The following CEP250 variants were observed in gnomAD, a reference collection of about 807,000 sequenced individuals.
CEP250 encodes centrosome-associated protein CEP250.
CEP250 carries 242 observed loss-of-function variants against 315.7 expected under a neutral mutation model. That is an observed-to-expected ratio of 0.77 (90% CI 0.69 to 0.85). The LOEUF (loss-of-function observed/expected upper bound fraction) is 0.85, where lower values mean the gene tolerates loss of function less well. CEP250 is among the 40% of genes least tolerant of loss of function. CEP250 has a pLI of 0.00. For missense variants in CEP250, 2,515 were observed against 2,886.4 expected, an observed-to-expected ratio of 0.87 and a Z score of 2.95; for synonymous variants, 1,088 against 1,175.0, an observed-to-expected ratio of 0.93 and a Z score of 1.51.
chr20:35,513,534 G>C lies in CEP250; in HGVS notation c.*1908G>C, dbSNP rs1003624069. On this transcript the variant is annotated 3_prime_UTR_variant, in exon 35 of 35. Transcript: ENST00000397527. ...CGGCCTCCCAAAATGTTGGGATTAC[G>C]GGCATGAGCCACCGCGCCCGGCCCT... The C allele has an allele frequency of 6.6e-6, 1 of 152,134 alleles. No individual in the cohort carries two copies. Among genetic ancestry groups the C allele is most frequent in the South Asian group, 2.1e-4 (1 of 4,818 alleles). The allele number at this position is 152,134 out of a possible 1,614,324, so 9.4% of individuals were successfully genotyped here.
Position 35,517,008 on chromosome 20 carries a change from T to G in CEP250, c.*5382T>G, listed in dbSNP as rs2064442280. ...GCAGAGCACATGGCAAGTGGCATGC[T>G]GACTCAGACACCGGGCACTGAGAAA... On this transcript the variant is annotated 3_prime_UTR_variant, in exon 35 of 35. Coordinates refer to ENST00000397527, the MANE Select transcript of CEP250 (RefSeq NM_007186.6). 1.0e-6 allele frequency: 1 copy of G among 985,582 alleles called. No individual in the cohort carries two copies. Among genetic ancestry groups the G allele is most frequent in the African/African-American group, 1.7e-5 (1 of 57,364 alleles). 61.1% of individuals were successfully genotyped at this position (985,582 alleles called of 1,614,324 possible).
rs1568774387 is a variant in CEP250, at chr20:35,473,974, T to A, written c.1493T>A (p.Leu498Gln). Residue 498 changes from leucine (L) to glutamine (Q), a missense_variant, in exon 14 of 35, where the codon CTG becomes CAG. Transcript: ENST00000397527. ...RLRRVNVELQ[L>Q]QGDSAQGQKE... is the part of the protein sequence containing the mutation. ...CGAAGGGTAAATGTGGAGCTTCAGC[T>A]GCAGGGGGACTCTGCCCAGGGCCAG... 6.2e-7 allele frequency: 1 copy of A among 1,609,606 alleles called. No individual in the cohort carries two copies. The highest frequency in any genetic ancestry group is 1.1e-5 in the South Asian group (1 of 90,384).
In CEP250 at chr20:35,517,098, C is replaced by A. The variant is rs1341493554; in HGVS notation, c.*5472C>A. The A allele has an allele frequency of 4.4e-5, 38 of 867,680 alleles. No individual in the cohort carries two copies. Among genetic ancestry groups the A allele is most frequent in the Non-Finnish European group, 4.8e-5 (35 of 722,486 alleles). 53.7% of individuals were successfully genotyped at this position (867,680 alleles called of 1,614,324 possible). A position where few individuals can be genotyped will look rare whatever the true frequency, so the allele number is the denominator to read the frequency against. Reference sequence around the variant, plus strand: ...CTGTTGGCCTCCATCCCTTCCTCAACCGTCCGCAGAACACCTCCTTCCAGC... The same window carrying A: ...CTGTTGGCCTCCATCCCTTCCTCAAACGTCCGCAGAACACCTCCTTCCAGC... On this transcript the variant is annotated 3_prime_UTR_variant, in exon 35 of 35. Transcript: ENST00000397527.
intron 20 of CEP250, among the ~76,000 whole-genome samples, chr20:35,488,385 T>A (rs2063580838): frequency 6.6e-6 from 1 of 152,264 alleles, no homozygotes; most frequent in South Asian, 2.1e-4. Flanking sequence ...ATGACTGTCC[T>A]GTAACTGACA....
At chr20:35,495,883 G>A (rs912218576) in intron 24 of CEP250, among the ~76,000 whole-genome samples, 1 of 152,150 alleles carries the variant, frequency 6.6e-6, no homozygotes, top group Non-Finnish European at 1.5e-5. Flanking sequence ...GCTAAACCAA[G>A]GTAGGGTAGT....
chr20:35,479,706 A>AC lies in CEP250; in HGVS notation c.2349_2350insC (p.Glu784ArgfsTer35), dbSNP rs1288272675. 3 of 1,614,102 alleles carry AC rather than the reference A, an allele frequency of 1.9e-6. No individual in the cohort carries two copies. The highest frequency in any genetic ancestry group is 2.5e-6 in the Non-Finnish European group (3 of 1,180,044). ...AAGCCCAACAACAAAATTCTGTGAT[A>AC]GAGGTCACCAAGGGGCAGCTGGAGG... On this transcript the variant is annotated frameshift_variant, in exon 19 of 35. Coordinates refer to ENST00000397527, the MANE Select transcript of CEP250 (RefSeq NM_007186.6). LOFTEE classifies it high-confidence loss of function.
rs2064448459 is a variant in CEP250 at position 35,517,764 on chromosome 20, AAAAATT to A, written c.*6142_*6147del. The stretch of plus-strand genomic sequence containing the variant: ...TGAGACCCTGTCTCAAAAAAAAAAA[AAAAATT>A]AAAGAAGTTAAACAGTGCCGGGCTT... On this transcript the variant is annotated 3_prime_UTR_variant, in exon 35 of 35. Transcript: ENST00000397527. The A allele has an allele frequency of 6.6e-6, 1 of 151,864 alleles. No individual in the cohort carries two copies. The highest frequency in any genetic ancestry group is 6.6e-5 in the Admixed American group (1 of 15,252). The allele number at this position is 151,864 out of a possible 1,614,324, so 9.4% of individuals were successfully genotyped here.
chr20:35,478,988 T>G (rs2063257751), intron 17 of CEP250, among the ~76,000 whole-genome samples: 1 of 152,234 alleles, frequency 6.6e-6, no homozygotes, highest in South Asian at 2.1e-4. Flanking sequence ...CAAAACCTCC[T>G]TAGGGGCAGG....
intron 20 of CEP250, among the ~76,000 whole-genome samples, chr20:35,484,955 G>A (rs906369600): frequency 2.6e-5 from 4 of 151,414 alleles, no homozygotes; most frequent in South Asian, 2.1e-4. Context: ...CATTAAAAAT[G>A]TAAAGGCTGG....
chr20:35,498,147 T>G, intron 26 of CEP250, 80 bp downstream of exon 26: 2 of 1,046,154 alleles, frequency 1.9e-6, no homozygotes, highest in Non-Finnish European at 2.7e-6. Flanking sequence ...GGAATGCTAT[T>G]TGTTAGACCA....
chr20:35,511,783 C>T lies in CEP250; in HGVS notation c.*157C>T, dbSNP rs1402271672. Reference sequence around the variant, plus strand: ...CAGGAAGAGGAAGTAAATCTGCAACCCTGGGGAGGACCCCAACTCACCTGG... The same window carrying T: ...CAGGAAGAGGAAGTAAATCTGCAACTCTGGGGAGGACCCCAACTCACCTGG... On this transcript the variant is annotated 3_prime_UTR_variant, in exon 35 of 35. Transcript: ENST00000397527. 7.0e-7 allele frequency: 1 copy of T among 1,419,918 alleles called. No individual in the cohort carries two copies. Among genetic ancestry groups the T allele is most frequent in the Non-Finnish European group, 9.2e-7 (1 of 1,090,850 alleles). 88.0% of individuals were successfully genotyped at this position (1,419,918 alleles called of 1,614,324 possible). A position where few individuals can be genotyped will look rare whatever the true frequency, so the allele number is the denominator to read the frequency against.
intron 20 of CEP250, among the ~76,000 whole-genome samples, chr20:35,483,031 T>A (rs1323514890): frequency 2.6e-5 from 4 of 151,916 alleles, no homozygotes; most frequent in Non-Finnish European, 5.9e-5. Context: ...TAAAATAAAT[T>A]TTTTTTTGGC....
In CEP250 at chr20:35,511,368, C is replaced by T; in HGVS notation, c.7071C>T (p.Val2357=). 5 of 1,601,828 alleles carry T rather than the reference C, an allele frequency of 3.1e-6. No homozygotes were observed. Among genetic ancestry groups the T allele is most frequent in the Non-Finnish European group, 4.3e-6 (5 of 1,172,064 alleles). The change falls in exon 35 of 35, where the codon GTC becomes GTT. Residue 2357 remains valine (V), a synonymous_variant. Coordinates refer to ENST00000397527, the MANE Select transcript of CEP250 (RefSeq NM_007186.6). ...KCVAELQKEV[V]LLQAQLTLER... is the part of the protein sequence containing the mutation. Reference sequence around the variant, plus strand: ...TTTTTTTTCCTGCCCACCAGGTGGTCCTGCTGCAAGCTCAGCTGACTTTGG... The same window carrying T: ...TTTTTTTTCCTGCCCACCAGGTGGTTCTGCTGCAAGCTCAGCTGACTTTGG...
intron 32 of CEP250, 47 bp downstream of exon 32, chr20:35,508,237 T>C: frequency 5.0e-6 from 8 of 1,604,096 alleles, no homozygotes; most frequent in Non-Finnish European, 6.8e-6. Context: ...ACTTCTCGTG[T>C]GGTCCCTAGA....
chr20:35,489,014 T>C (rs767022837), intron 20 of CEP250, among the ~76,000 whole-genome samples: 1 of 151,846 alleles, frequency 6.6e-6, no homozygotes, highest in Non-Finnish European at 1.5e-5. Context: ...GGTGAAACCA[T>C]GTCTCTACTA....
chr20:35,513,006 C>A lies in CEP250; in HGVS notation c.*1380C>A, dbSNP rs560484595. ...TAAGAGCAGCACCCACTCACCCAGACCTCCTAATTTGGGGCTCAGCCCCAT... is the reference window on the plus strand; with the variant it reads ...TAAGAGCAGCACCCACTCACCCAGAACTCCTAATTTGGGGCTCAGCCCCAT... On this transcript the variant is annotated 3_prime_UTR_variant, in exon 35 of 35. Coordinates refer to ENST00000397527, the MANE Select transcript of CEP250 (RefSeq NM_007186.6). The A allele has an allele frequency of 6.6e-6, 1 of 152,286 alleles. No homozygotes were observed. The highest frequency in any genetic ancestry group is 2.4e-5 in the African/African-American group (1 of 41,472). 9.4% of individuals were successfully genotyped at this position (152,286 alleles called of 1,614,324 possible).
chr20:35,497,996 CTGTT>C lies in CEP250; in HGVS notation c.3588_3591del (p.Cys1197ArgfsTer6), dbSNP rs1178939542. On this transcript the variant is annotated frameshift_variant, in exon 26 of 35. Coordinates refer to ENST00000397527, the MANE Select transcript of CEP250 (RefSeq NM_007186.6). LOFTEE classifies it high-confidence loss of function. ...TCTGCCCTGCAGCAGGCCCTGGGGT[CTGTT>C]TGTGAGAGCAGGCCTGAGCTGAGTG... is the stretch of plus-strand genomic sequence containing the variant. 1.2e-6 allele frequency: 2 copies of C among 1,613,058 alleles called. No individual in the cohort carries two copies. The highest frequency in any genetic ancestry group is 1.7e-6 in the Non-Finnish European group (2 of 1,179,592).
At chr20:35,474,410 A>T (rs1483437866) in intron 14 of CEP250, among the ~76,000 whole-genome samples, 2 of 152,248 alleles carry the variant, frequency 1.3e-5, no homozygotes, top group Non-Finnish European at 2.9e-5. Context: ...CACAGGAGTG[A>T]CAGCTAATTA....
In CEP250 at chr20:35,512,044, A is replaced by G; in HGVS notation, c.*418A>G. ...CATCAAGGGAGTTTATCTGGGAAGA[A>G]CTTGCCAAAGATTCCTGTTGAGGTA... On this transcript the variant is annotated 3_prime_UTR_variant, in exon 35 of 35. Coordinates refer to ENST00000397527, the MANE Select transcript of CEP250 (RefSeq NM_007186.6). The G allele has an allele frequency of 9.8e-7, 1 of 1,023,114 alleles. No homozygotes were observed. Among genetic ancestry groups the G allele is most frequent in the Non-Finnish European group, 1.2e-6 (1 of 854,130 alleles). The allele number at this position is 1,023,114 out of a possible 1,614,324, so 63.4% of individuals were successfully genotyped here. A position where few individuals can be genotyped will look rare whatever the true frequency, so the allele number is the denominator to read the frequency against.
Sources: gnomAD v4.1 joint callset for allele counts (sites outside exome capture counted in the v4.1 genomes callset) on GRCh38, gnomAD v4.1.1 for gene constraint, MANE v1.5 for transcripts, NCBI Gene and HGNC (gene_info 2026-07-23, HGNC 2026-07-21) for gene names.